FBXL7: variants seen among roughly 807,000 people sequenced by gnomAD.
The protein encoded by FBXL7 is F-box and leucine rich repeat protein 7, also known as F-box/LRR-repeat protein 7.
FBXL7 carries 12 observed loss-of-function variants against 38.3 expected under a neutral mutation model. The observed-to-expected ratio is 0.31, with a 90% CI of 0.20 to 0.51. The LOEUF (loss-of-function observed/expected upper bound fraction) is 0.51, where lower values mean the gene tolerates loss of function less well. Ranked by LOEUF, FBXL7 falls within the 20% of genes least tolerant of loss-of-function variation. FBXL7 has a pLI of 0.98. For missense variants in FBXL7, 567 were observed against 676.4 expected (o/e 0.84, Z 1.79); for synonymous variants, 297 against 300.9 (o/e 0.99, Z 0.13).
intron 1 of FBXL7, among the ~76,000 whole-genome samples, chr5:15,579,560 C>G (rs1203854284): frequency 6.6e-6 from 1 of 152,226 alleles, no homozygotes; most frequent in Non-Finnish European, 1.5e-5. Context: ...TAAGATGATT[C>G]TGGTCTGTTT....
At chr5:15,700,386 T>G (rs1265936547) in intron 2 of FBXL7, among the ~76,000 whole-genome samples, 1 of 152,220 alleles carries the variant, frequency 6.6e-6, no homozygotes, top group Admixed American at 6.5e-5. Flanking sequence ...TGTTAATCCC[T>G]GGCTGTTTCA....
At chr5:15,733,990 G>A (rs1300439209) in intron 2 of FBXL7, among the ~76,000 whole-genome samples, 2 of 151,966 alleles carry the variant, frequency 1.3e-5, no homozygotes, top group Non-Finnish European at 2.9e-5. Flanking sequence ...GCCTGTAATC[G>A]CAGCTACTCA....
chr5:15,793,901 C>T (rs1043479171), intron 2 of FBXL7, among the ~76,000 whole-genome samples: 3 of 152,202 alleles, frequency 2.0e-5, no homozygotes, highest in African/African-American at 7.2e-5. Context: ...GAAACTTTAA[C>T]GACTTTAAAT....
intron 2 of FBXL7, among the ~76,000 whole-genome samples, chr5:15,784,009 G>A (rs537189634): frequency 3.9e-5 from 6 of 152,278 alleles, no homozygotes; most frequent in African/African-American, 1.4e-4. Flanking sequence ...GTCTAGCATG[G>A]TGGCCCCAAT....
intron 2 of FBXL7, among the ~76,000 whole-genome samples, chr5:15,648,424 A>G (rs1741605794): frequency 6.6e-6 from 1 of 152,256 alleles, no homozygotes; most frequent in Non-Finnish European, 1.5e-5. Context: ...ATTAAGGGAC[A>G]CCAAATTCTA....
intron 2 of FBXL7, among the ~76,000 whole-genome samples, chr5:15,767,392 G>A (rs976361184): frequency 6.6e-6 from 1 of 152,134 alleles, no homozygotes; most frequent in East Asian, 1.9e-4. Context: ...GCTCATATTT[G>A]CTAATCTGGA....
intron 2 of FBXL7, among the ~76,000 whole-genome samples, chr5:15,842,820 C>G (rs1209289691): frequency 2.0e-5 from 3 of 152,160 alleles, no homozygotes; most frequent in Non-Finnish European, 2.9e-5. Flanking sequence ...GATTGTGAGG[C>G]CTCCCAGCTA....
chr5:15,849,668 C>T lies in FBXL7; in HGVS notation c.128-78222C>T, dbSNP rs190309014. ...TAAACCTCTTTTTCTTTATAAATTACCCAGTCTCAGGTGTGTCTTTATTAG... is the reference window on the plus strand; with the variant it reads ...TAAACCTCTTTTTCTTTATAAATTATCCAGTCTCAGGTGTGTCTTTATTAG... On this transcript the variant is annotated intron_variant, in intron 2 of 3. Transcript: ENST00000504595. Among the ~76,000 whole-genome samples the T allele has an allele frequency of 3.5e-3, 526 of 152,270 alleles. 1 individual carries two copies. Among genetic ancestry groups the T allele is most frequent in the African/African-American group, 0.012 (494 of 41,540 alleles).
At chr5:15,643,797 A>G (rs757463650) in intron 2 of FBXL7, among the ~76,000 whole-genome samples, 1 of 152,226 alleles carries the variant, frequency 6.6e-6, no homozygotes, top group Non-Finnish European at 1.5e-5. Flanking sequence ...ATCTCTTGCT[A>G]GAAGACCTTG....
At chr5:15,837,096 G>A (rs573353084) in intron 2 of FBXL7, among the ~76,000 whole-genome samples, 76 of 152,264 alleles carry the variant, frequency 5.0e-4, no homozygotes, top group East Asian at 4.4e-3. Context: ...ATGACAGCAA[G>A]ATCCCTAATA....
chr5:15,505,763 C>G (rs1048135962), intron 1 of FBXL7, among the ~76,000 whole-genome samples: 1 of 152,168 alleles, frequency 6.6e-6, no homozygotes, highest in African/African-American at 2.4e-5. Flanking sequence ...ATGGGCTGAG[C>G]TTTGAGGATC....
At chr5:15,815,966 C>T (rs796228376) in intron 2 of FBXL7, among the ~76,000 whole-genome samples, 6 of 152,180 alleles carry the variant, frequency 3.9e-5, no homozygotes, top group African/African-American at 1.4e-4. Flanking sequence ...CCACATCTAC[C>T]TAATGATTTA....
At chr5:15,608,503 C>A (rs1416699744) in intron 1 of FBXL7, among the ~76,000 whole-genome samples, 1 of 152,074 alleles carries the variant, frequency 6.6e-6, no homozygotes, top group Non-Finnish European at 1.5e-5. Context: ...CTTGGCCAGG[C>A]TATAGTACCA....
At chr5:15,746,522 C>T (rs1736017831) in intron 2 of FBXL7, among the ~76,000 whole-genome samples, 1 of 151,870 alleles carries the variant, frequency 6.6e-6, no homozygotes, top group South Asian at 2.1e-4. Context: ...GTTCTGTTCT[C>T]ATTGTGTCCT....
chr5:15,585,712 C>T (rs538887669), intron 1 of FBXL7, among the ~76,000 whole-genome samples: 2 of 152,280 alleles, frequency 1.3e-5, no homozygotes, highest in African/African-American at 2.4e-5. Flanking sequence ...GCTAGCTGTG[C>T]CTAATGAATC....
In FBXL7 at chr5:15,519,527, GA is replaced by G. The variant is rs1354658577; in HGVS notation, c.37+18816del. 4.0e-5 allele frequency among the ~76,000 whole-genome samples: 6 copies of G among 151,864 alleles called. No homozygotes were observed. The East Asian group carries it at 1.2e-3, about 29-fold the overall frequency. The stretch of plus-strand genomic sequence containing the variant: ...AGGAACTTCCTGTCTGTGGCTCAAA[GA>G]AGTTGTCACAGGAGAGCAAAGTTAT... On this transcript the variant is annotated intron_variant, in intron 1 of 3. Transcript: ENST00000504595.
chr5:15,519,454 A>AAC (rs1737038467), intron 1 of FBXL7, among the ~76,000 whole-genome samples: 1 of 144,442 alleles, frequency 6.9e-6, no homozygotes, highest in African/African-American at 2.8e-5. Context: ...CAAAAAAAAA[A>AAC]AACAAACAAA....
chr5:15,786,325 C>G (rs567011698), intron 2 of FBXL7, among the ~76,000 whole-genome samples: 1 of 144,464 alleles, frequency 6.9e-6, no homozygotes, highest in Admixed American at 6.8e-5. Flanking sequence ...AAATATAGAA[C>G]TTGCCATGAT....
intron 1 of FBXL7, among the ~76,000 whole-genome samples, chr5:15,605,544 A>G (rs992786307): frequency 6.6e-6 from 1 of 152,182 alleles, no homozygotes; most frequent in African/African-American, 2.4e-5. Context: ...AAATTCATAG[A>G]GATCAAAAGC....
Sources: allele counts gnomAD v4.1 joint callset (sites outside exome capture counted in the v4.1 genomes callset), GRCh38; gene constraint gnomAD v4.1.1; transcripts MANE v1.5; gene names NCBI Gene and HGNC (gene_info 2026-07-23, HGNC 2026-07-21).